The following KIAA1217 variants were observed in gnomAD, a reference collection of about 807,000 sequenced individuals.
KIAA1217 encodes the protein KIAA1217.
KIAA1217 carries 88 observed loss-of-function variants against 163.9 expected under a neutral mutation model. The observed-to-expected ratio is 0.54, with a 90% CI of 0.45 to 0.64. The LOEUF is 0.64. Among genes scored for constraint, KIAA1217 ranks in the 30% least tolerant of loss-of-function variants. The pLI, the probability that KIAA1217 is intolerant of heterozygous loss-of-function variation, is 0.00. For missense variants in KIAA1217, 2,372 were observed against 2,475.0 expected, an observed-to-expected ratio of 0.96 and a Z score of 0.88; for synonymous variants, 903 against 923.1, an observed-to-expected ratio of 0.98 and a Z score of 0.39.
rs1489916287 is a variant in KIAA1217 at position 23,738,253 on chromosome 10, T to C, written c.-321+43019T>C. ...CTGCTCATTAAGTTTCTCTGGAAGA[T>C]GTTACACTATCAATTTCTAATGTCA... On this transcript the variant is annotated intron_variant, in intron 1 of 18. Coordinates refer to the KIAA1217 transcript ENST00000376462. Among the ~76,000 whole-genome samples, 3 of 152,208 alleles carry C rather than the reference T, an allele frequency of 2.0e-5. No individual in the cohort carries two copies. In the East Asian group the frequency reaches 5.8e-4, roughly 29 times the overall value.
At chr10:24,327,392 A>G (rs11014030) in intron 2 of KIAA1217, among the ~76,000 whole-genome samples, 2,248 of 152,318 alleles carry the variant, frequency 0.015, 56 homozygotes, top group African/African-American at 0.051. Flanking sequence ...TAATTGATGT[A>G]AAGTCCCCTA....
chr10:24,219,538 A>T, intron 1 of KIAA1217, 88 bp from the exon 2 acceptor site: 1 of 1,107,796 alleles, frequency 9.0e-7, no homozygotes, highest in Non-Finnish European at 1.2e-6. Flanking sequence ...TCATACATTA[A>T]CAACTGCCGC....
chr10:24,459,339 A>G (rs1377803641), intron 5 of KIAA1217, among the ~76,000 whole-genome samples: 1 of 152,216 alleles, frequency 6.6e-6, no homozygotes, highest in Non-Finnish European at 1.5e-5. Flanking sequence ...TAAGAACCTC[A>G]TTATTCTATG....
intron 1 of KIAA1217, among the ~76,000 whole-genome samples, chr10:23,704,170 G>GTTTA: frequency 1.8e-5 from 1 of 54,122 alleles, no homozygotes; most frequent in Admixed American, 2.3e-4. Flanking sequence ...GTGTGTGTGT[G>GTTTA]TGTATATATA....
At chr10:23,760,647 A>G (rs148702840) in intron 1 of KIAA1217, among the ~76,000 whole-genome samples, 123 of 152,320 alleles carry the variant, frequency 8.1e-4, no homozygotes, top group African/African-American at 2.8e-3. Flanking sequence ...CAAAAGGTTA[A>G]TAGTAAGAAC....
intron 1 of KIAA1217, among the ~76,000 whole-genome samples, chr10:23,716,267 A>T (rs1207918327): frequency 6.6e-6 from 1 of 152,134 alleles, no homozygotes; most frequent in Non-Finnish European, 1.5e-5. Flanking sequence ...AATCTATCTA[A>T]AACCAAGCTC....
At chr10:24,003,051 G>T (rs917483770) in intron 1 of KIAA1217, among the ~76,000 whole-genome samples, 2 of 152,128 alleles carry the variant, frequency 1.3e-5, no homozygotes, top group Non-Finnish European at 2.9e-5. Flanking sequence ...CCATTCACTA[G>T]GTGATGGGCA....
intron 1 of KIAA1217, among the ~76,000 whole-genome samples, chr10:23,861,502 T>G (rs1349059416): frequency 6.6e-6 from 1 of 152,174 alleles, no homozygotes; most frequent in African/African-American, 2.4e-5. Context: ...TGCTTTAAAA[T>G]GGAGGGATTA....
intron 1 of KIAA1217, among the ~76,000 whole-genome samples, chr10:23,789,577 G>T (rs1018447469): frequency 6.6e-6 from 1 of 152,088 alleles, no homozygotes; most frequent in Non-Finnish European, 1.5e-5. Flanking sequence ...GGTGAAGTGA[G>T]TGAAGCCTTG....
intron 1 of KIAA1217, among the ~76,000 whole-genome samples, chr10:23,958,057 A>G (rs1251253643): frequency 1.3e-5 from 2 of 152,198 alleles, no homozygotes; most frequent in Non-Finnish European, 2.9e-5. Context: ...AAAAAGTAAT[A>G]CTTTGGGAGT....
chr10:24,491,390 A>G (rs2066127349), intron 6 of KIAA1217, among the ~76,000 whole-genome samples: 1 of 148,470 alleles, frequency 6.7e-6, no homozygotes, highest in Non-Finnish European at 1.5e-5. Context: ...CCTGGGTTCA[A>G]GTGATTCTCC....
chr10:23,922,799 A>T (rs1205685724), intron 1 of KIAA1217, among the ~76,000 whole-genome samples: 1 of 152,210 alleles, frequency 6.6e-6, no homozygotes, highest in Non-Finnish European at 1.5e-5. Context: ...TTGCTAAGGA[A>T]CATGGCGGCC....
chr10:23,858,614 T>C lies in KIAA1217; in HGVS notation c.-320-148611T>C, dbSNP rs187082694. On this transcript the variant is annotated intron_variant, in intron 1 of 18. Coordinates refer to the KIAA1217 transcript ENST00000376462. ...TGACTCTGAATATCATAAAAATGAT[T>C]CTGTTAGTATAATCATAAGTCTAAT... is the stretch of plus-strand genomic sequence containing the variant. Among the ~76,000 whole-genome samples the C allele has an allele frequency of 3.8e-4, 58 of 152,204 alleles. 1 individual carries two copies. The East Asian group carries it at 0.01, about 27-fold the overall frequency.
At chr10:24,105,051 C>A (rs2062569160) in intron 2 of KIAA1217, among the ~76,000 whole-genome samples, 1 of 149,900 alleles carries the variant, frequency 6.7e-6, no homozygotes, top group African/African-American at 2.5e-5. Context: ...TGAAACTTCC[C>A]ACTGCAAGAT....
chr10:23,924,154 C>A (rs1179707469), intron 1 of KIAA1217, among the ~76,000 whole-genome samples: 1 of 147,396 alleles, frequency 6.8e-6, no homozygotes, highest in Non-Finnish European at 1.5e-5. Flanking sequence ...CCACTATTTG[C>A]TACTCTGATT....
chr10:23,980,270 G>A (rs1034055829), intron 1 of KIAA1217, among the ~76,000 whole-genome samples: 1 of 152,160 alleles, frequency 6.6e-6, no homozygotes. Flanking sequence ...TGTGCTGACA[G>A]GTTTCAATGT....
chr10:23,773,801 A>G (rs1422325958), intron 1 of KIAA1217, among the ~76,000 whole-genome samples: 1 of 152,044 alleles, frequency 6.6e-6, no homozygotes, highest in Non-Finnish European at 1.5e-5. Context: ...ATTTTTGTAC[A>G]TTGATTTTGT....
intron 2 of KIAA1217, among the ~76,000 whole-genome samples, chr10:24,242,008 A>G (rs1206385879): frequency 1.3e-5 from 2 of 152,190 alleles, no homozygotes; most frequent in Non-Finnish European, 2.9e-5. Context: ...GGTCCCATGA[A>G]TTAGGCTGCA....
intron 1 of KIAA1217, among the ~76,000 whole-genome samples, chr10:23,820,705 G>T (rs1355069612): frequency 6.6e-6 from 1 of 152,204 alleles, no homozygotes; most frequent in Non-Finnish European, 1.5e-5. Flanking sequence ...ACAAGGTGGG[G>T]CTAAAGAGAG....
Sources: gnomAD v4.1 joint callset for allele counts (sites outside exome capture counted in the v4.1 genomes callset) on GRCh38, gnomAD v4.1.1 for gene constraint, MANE v1.5 for transcripts, NCBI Gene and HGNC (gene_info 2026-07-23, HGNC 2026-07-21) for gene names.